Variants in FHIT observed in about 807,000 individuals in gnomAD.
The protein encoded by FHIT is fragile histidine triad diadenosine triphosphatase.
FHIT carries 19 observed loss-of-function variants against 17.9 expected under a neutral mutation model. The observed-to-expected ratio is 1.06, with a 90% CI of 0.74 to 1.56. FHIT has a LOEUF of 1.56. FHIT is among the 40% of genes most tolerant of loss of function. FHIT has a pLI of 0.00. For missense variants in FHIT, 248 were observed against 189.2 expected (o/e 1.31, Z -1.82); for synonymous variants, 81 against 69.7 (o/e 1.16, Z -0.81).
intron 8 of FHIT, among the ~76,000 whole-genome samples, chr3:59,775,313 T>C (rs1702255805): frequency 6.6e-6 from 1 of 152,176 alleles, no homozygotes; most frequent in Non-Finnish European, 1.5e-5. Context: ...AGAAATCTGC[T>C]TAACATTCCT....
intron 8 of FHIT, among the ~76,000 whole-genome samples, chr3:59,781,016 C>T (rs1285326669): frequency 2.0e-5 from 3 of 151,938 alleles, no homozygotes; most frequent in African/African-American, 4.8e-5. Context: ...GAATATAATA[C>T]AAATAAAATT....
chr3:60,544,070 TTA>T (rs1469823935), intron 4 of FHIT, among the ~76,000 whole-genome samples: 9 of 151,780 alleles, frequency 5.9e-5, no homozygotes, highest in Non-Finnish European at 8.8e-5. Context: ...CTCTTTGTTT[TTA>T]TATATATGAT....
chr3:60,048,502 C>G (rs958896122), intron 5 of FHIT, among the ~76,000 whole-genome samples: 1 of 152,132 alleles, frequency 6.6e-6, no homozygotes, highest in Non-Finnish European at 1.5e-5. Flanking sequence ...AAGGCCTTAG[C>G]TACAAATGCG....
chr3:60,765,831 G>A (rs1699833175), intron 4 of FHIT, among the ~76,000 whole-genome samples: 2 of 152,160 alleles, frequency 1.3e-5, no homozygotes, highest in African/African-American at 4.8e-5. Context: ...GGTGGAAGAA[G>A]GTGCGATAAG....
At chr3:60,209,299 T>C (rs1247210085) in intron 5 of FHIT, among the ~76,000 whole-genome samples, 1 of 152,210 alleles carries the variant, frequency 6.6e-6, no homozygotes. Context: ...TCGGCAAGTA[T>C]GTGCACAGCT....
intron 5 of FHIT, among the ~76,000 whole-genome samples, chr3:60,154,899 T>C (rs1280100579): frequency 6.6e-6 from 1 of 151,998 alleles, no homozygotes; most frequent in Admixed American, 6.6e-5. Context: ...CCAAGTTAGG[T>C]TGTTCAAGAA....
chr3:60,910,110 G>T (rs782250808), intron 3 of FHIT, among the ~76,000 whole-genome samples: 5 of 152,080 alleles, frequency 3.3e-5, no homozygotes, highest in African/African-American at 7.2e-5. Flanking sequence ...GTTCTTTTGG[G>T]ATTTCAATTG....
chr3:60,611,085 G>A lies in FHIT; in HGVS notation c.-17-74106C>T, dbSNP rs572898797. On this transcript the variant is annotated intron_variant, in intron 4 of 9. Coordinates refer to ENST00000492590, the MANE Select transcript of FHIT (RefSeq NM_002012.4). ...GTCCAGCTGTTCCTTTGGCTACTGT[G>A]ATCTCAGGCTCATTTAGCCCAGTAA... is the stretch of plus-strand genomic sequence containing the variant. Among the ~76,000 whole-genome samples the A allele has an allele frequency of 6.6e-5, 10 of 152,308 alleles. No homozygotes were observed. The South Asian group carries it at 1.9e-3, about 28-fold the overall frequency.
intron 1 of FHIT, among the ~76,000 whole-genome samples, chr3:61,247,122 T>C (rs981474549): frequency 6.6e-6 from 1 of 151,866 alleles, no homozygotes; most frequent in African/African-American, 2.4e-5. Context: ...CCAGAGCAGA[T>C]GCAGTGCCTG....
intron 3 of FHIT, among the ~76,000 whole-genome samples, chr3:60,992,513 A>C (rs2107585424): frequency 6.6e-6 from 1 of 152,328 alleles, no homozygotes; most frequent in Admixed American, 6.5e-5. Flanking sequence ...GAGCCAGTTA[A>C]TTTCCAAAGC....
At chr3:60,643,889 A>T (rs973549381) in intron 4 of FHIT, among the ~76,000 whole-genome samples, 1 of 152,202 alleles carries the variant, frequency 6.6e-6, no homozygotes, top group Non-Finnish European at 1.5e-5. Flanking sequence ...TGTGAGGGTA[A>T]CTATGAGACT....
At chr3:60,066,524 C>A (rs1702511664) in intron 5 of FHIT, among the ~76,000 whole-genome samples, 1 of 151,908 alleles carries the variant, frequency 6.6e-6, no homozygotes, top group African/African-American at 2.4e-5. Flanking sequence ...GCCCTAATGA[C>A]CTCCCGCCCT....
Position 60,529,100 on chromosome 3 carries a change from T to C in FHIT, c.103+7760A>G, listed in dbSNP as rs575134219. Among the ~76,000 whole-genome samples the C allele has an allele frequency of 5.3e-5, 8 of 152,310 alleles. 1 individual carries two copies. In the South Asian group the frequency reaches 8.3e-4, roughly 16 times the overall value. ...AAACTACTTCAGATATCTGGTATTG[T>C]AGAGGTTTTTAAGGATAAGTCCAAT... On this transcript the variant is annotated intron_variant, in intron 5 of 9. Transcript: ENST00000492590.
chr3:60,639,906 G>C, intron 4 of FHIT, among the ~76,000 whole-genome samples: 1 of 152,136 alleles, frequency 6.6e-6, no homozygotes, highest in East Asian at 1.9e-4. Flanking sequence ...TGAACCAAGT[G>C]AATGGATACA....
intron 4 of FHIT, among the ~76,000 whole-genome samples, chr3:60,612,847 C>A (rs1246440760): frequency 3.3e-5 from 5 of 152,198 alleles, no homozygotes; most frequent in African/African-American, 1.2e-4. Context: ...ATCCTTCCCA[C>A]TATGTCTATA....
intron 3 of FHIT, among the ~76,000 whole-genome samples, chr3:61,001,965 G>A (rs2031116232): frequency 1.3e-5 from 2 of 152,018 alleles, no homozygotes; most frequent in African/African-American, 4.8e-5. Flanking sequence ...ACATTTCTTT[G>A]TTTGTTTCTG....
chr3:60,613,061 C>T (rs1272140804), intron 4 of FHIT, among the ~76,000 whole-genome samples: 1 of 152,202 alleles, frequency 6.6e-6, no homozygotes, highest in Non-Finnish European at 1.5e-5. Flanking sequence ...CCTGCAGGAA[C>T]ATGCCTCTGA....
chr3:59,751,248 C>CTCTCTCTCT, intron 9 of FHIT: 6 of 170,824 alleles, frequency 3.5e-5, no homozygotes, highest in Admixed American at 6.6e-5. Context: ...CTCTCTCTCT[C>CTCTCTCTCT]CTGTTTTTTT....
chr3:60,670,355 T>C (rs997953880), intron 4 of FHIT, among the ~76,000 whole-genome samples: 1 of 152,220 alleles, frequency 6.6e-6, no homozygotes, highest in Non-Finnish European at 1.5e-5. Flanking sequence ...TGAGGCACTT[T>C]CCTCAAACCT....
Sources: gnomAD v4.1 joint callset for allele counts (sites outside exome capture counted in the v4.1 genomes callset) on GRCh38, gnomAD v4.1.1 for gene constraint, MANE v1.5 for transcripts, NCBI Gene and HGNC (gene_info 2026-07-23, HGNC 2026-07-21) for gene names.